The following PHF3 variants were observed in gnomAD, a reference collection of about 807,000 sequenced individuals.
PHF3 encodes the protein PHD finger protein 3.
A neutral mutation model predicts 178.4 loss-of-function variants in PHF3; 41 were observed. The ratio of observed to expected loss-of-function variants is 0.23; its 90% confidence interval spans 0.18 to 0.30. The LOEUF (loss-of-function observed/expected upper bound fraction) is 0.30. Among genes scored for constraint, PHF3 ranks in the 10% least tolerant of loss-of-function variants. The pLI is 1.00. For synonymous variants in PHF3, 842 were observed against 800.5 expected (o/e 1.05, Z -0.88); for missense variants, 2,346 against 2,398.1 (o/e 0.98, Z 0.45).
At chr6:63,700,319 C>A in intron 8 of PHF3, 31 bp from the exon 9 acceptor site, 7 of 1,035,202 alleles carry the variant, frequency 6.8e-6, no homozygotes, top group Non-Finnish European at 1.0e-5. Context: ...TGTTTGTCTC[C>A]CCTTCTATTC....
intron 3 of PHF3, among the ~76,000 whole-genome samples, chr6:63,680,610 A>T (rs1766393954): frequency 6.6e-6 from 1 of 151,730 alleles, no homozygotes. Context: ...TAGAGATGAT[A>T]CATTTAATAA....
chr6:63,643,911 C>CA (rs751920437), intron 1 of PHF3, among the ~76,000 whole-genome samples: 29 of 151,938 alleles, frequency 1.9e-4, no homozygotes, highest in Non-Finnish European at 3.8e-4. Context: ...TTATTGAAAA[C>CA]AAAAAAAATT....
intron 4 of PHF3, among the ~76,000 whole-genome samples, chr6:63,690,363 A>G (rs1453635642): frequency 6.6e-6 from 1 of 152,168 alleles, no homozygotes; most frequent in Non-Finnish European, 1.5e-5. Context: ...GTCTCAAGGC[A>G]TAGTAGTGGT....
At chr6:63,666,982 C>G (rs1192001029) in intron 2 of PHF3, among the ~76,000 whole-genome samples, 1 of 152,070 alleles carries the variant, frequency 6.6e-6, no homozygotes, top group Non-Finnish European at 1.5e-5. Flanking sequence ...GAACTCCTGA[C>G]CTCAAGTGAT....
chr6:63,673,592 A>G (rs940983773), intron 2 of PHF3, among the ~76,000 whole-genome samples: 2 of 152,192 alleles, frequency 1.3e-5, no homozygotes, highest in Non-Finnish European at 2.9e-5. Context: ...CAGTAAATTG[A>G]TTTCTAATTT....
At chr6:63,710,132 A>G (rs1300966434) in intron 14 of PHF3, among the ~76,000 whole-genome samples, 1 of 152,216 alleles carries the variant, frequency 6.6e-6, no homozygotes, top group Non-Finnish European at 1.5e-5. Context: ...TTAAGCTGAA[A>G]AGAATATTTT....
intron 2 of PHF3, among the ~76,000 whole-genome samples, chr6:63,655,179 T>A (rs553079275): frequency 6.6e-6 from 1 of 152,260 alleles, no homozygotes. Context: ...TTCTCCTGCC[T>A]CAGCCTCCTA....
rs1436332305 is a variant in PHF3, at chr6:63,655,830, T to A, written c.244+9035T>A. Among the ~76,000 whole-genome samples, 9 of 152,152 alleles carry A rather than the reference T, an allele frequency of 5.9e-5. No homozygotes were observed. The South Asian group carries it at 1.9e-3, about 32-fold the overall frequency. On this transcript the variant is annotated intron_variant, in intron 2 of 15. Coordinates refer to ENST00000262043, the MANE Select transcript of PHF3 (RefSeq NM_001370348.2). The stretch of plus-strand genomic sequence containing the variant: ...TTCTTTTTCTTTTTTTGTTGCAGTG[T>A]TGGGGTTTTGCTATGTTGCCCAGGC...
At chr6:63,668,672 T>C (rs1765780407) in intron 2 of PHF3, among the ~76,000 whole-genome samples, 1 of 152,098 alleles carries the variant, frequency 6.6e-6, no homozygotes, top group African/African-American at 2.4e-5. Context: ...AATGAGTTCA[T>C]AGATTAAAAA....
In PHF3 at chr6:63,713,748, T is replaced by A; in HGVS notation, c.*40T>A. ...TTCAGGATTACATTTAAATAACTGT[T>A]AAAATGTTGTATCTTGTAAACAAAA... On this transcript the variant is annotated 3_prime_UTR_variant, in exon 16 of 16. Coordinates refer to ENST00000262043, the MANE Select transcript of PHF3 (RefSeq NM_001370348.2). 7.0e-7 allele frequency: 1 copy of A among 1,435,482 alleles called. No homozygotes were observed. Among genetic ancestry groups the A allele is most frequent in the Non-Finnish European group, 9.3e-7 (1 of 1,070,742 alleles). 88.9% of individuals were successfully genotyped at this position (1,435,482 alleles called of 1,614,324 possible).
At position 63,713,703 on chromosome 6, in the gene PHF3, A is replaced by C. The variant is rs1768078437; in HGVS notation, c.6115A>C (p.Arg2039=). The C allele has an allele frequency of 1.3e-6, 2 of 1,552,430 alleles. No homozygotes were observed. The highest frequency in any genetic ancestry group is 2.3e-5 in the East Asian group (1 of 44,104). The change falls in exon 16 of 16, where the codon AGG becomes CGG. Residue 2039 remains arginine (R), a synonymous_variant. Transcript: ENST00000262043. ...RDHTDRTKSK[R] ...CCACACTGACAGAACTAAAAGCAAA[A>C]GGTAAAATTTGCAGGCTGCTTCAGG...
chr6:63,692,835 A>G (rs1476593428), intron 5 of PHF3, among the ~76,000 whole-genome samples: 1 of 152,224 alleles, frequency 6.6e-6, no homozygotes, highest in Non-Finnish European at 1.5e-5. Flanking sequence ...AAAGTTGATC[A>G]GTTTGAGCTG....
At chr6:63,652,337 C>T (rs1410271349) in intron 2 of PHF3, among the ~76,000 whole-genome samples, 2 of 152,070 alleles carry the variant, frequency 1.3e-5, no homozygotes, top group East Asian at 1.9e-4. Flanking sequence ...ATTTGTATGT[C>T]TATTTTGAAA....
At position 63,724,285 on chromosome 6, in the gene PHF3, G is replaced by A. The variant is rs1214096955; in HGVS notation, c.*10577G>A. Among the ~76,000 whole-genome samples the A allele has an allele frequency of 1.3e-5, 2 of 152,066 alleles. No individual in the cohort carries two copies. The highest frequency in any genetic ancestry group is 6.6e-5 in the Admixed American group (1 of 15,248). On this transcript the variant is annotated 3_prime_UTR_variant, in exon 16 of 16. Transcript: ENST00000262043. ...CTACCTCATCATCTGCTATCCCACC[G>A]TGCTTTATTATAGATAAGAGAAACC...
intron 2 of PHF3, among the ~76,000 whole-genome samples, chr6:63,670,396 G>A (rs1317907840): frequency 6.6e-6 from 1 of 152,118 alleles, no homozygotes; most frequent in African/African-American, 2.4e-5. Context: ...AACCTCCCAA[G>A]TAGCTGGGAC....
intron 2 of PHF3, among the ~76,000 whole-genome samples, chr6:63,672,811 A>C (rs1391795511): frequency 6.6e-6 from 1 of 152,224 alleles, no homozygotes; most frequent in African/African-American, 2.4e-5. Context: ...CCCAGCCGCC[A>C]TACTTGAACC....
chr6:63,655,100 G>T (rs1040430837), intron 2 of PHF3, among the ~76,000 whole-genome samples: 1 of 151,820 alleles, frequency 6.6e-6, no homozygotes, highest in Non-Finnish European at 1.5e-5. Context: ...TTTCACTCTT[G>T]TTGCTCAGGC....
At position 63,685,641 on chromosome 6, in the gene PHF3, A is replaced by G. The variant is rs1297606595; in HGVS notation, c.1919A>G (p.Asn640Ser). 4 of 1,614,138 alleles carry G rather than the reference A, an allele frequency of 2.5e-6. No homozygotes were observed. Among genetic ancestry groups the G allele is most frequent in the East Asian group, 2.2e-5 (1 of 44,880 alleles). ...PQQQAPAMKT[N>S]SHVKEELEHP... ...CAACAGGCCCCAGCAATGAAAACCAATAGTCACGTGAAGGAAGAGCTTGAA... is the reference window on the plus strand; with the variant it reads ...CAACAGGCCCCAGCAATGAAAACCAGTAGTCACGTGAAGGAAGAGCTTGAA... The change falls in exon 4 of 16, where the codon AAT becomes AGT. Residue 640 changes from asparagine to serine, a missense_variant. Coordinates refer to ENST00000262043, the MANE Select transcript of PHF3 (RefSeq NM_001370348.2).
intron 3 of PHF3, 94 bp from the exon 4 acceptor site, chr6:63,684,035 A>T: frequency 2.0e-6 from 2 of 977,278 alleles, no homozygotes; most frequent in Non-Finnish European, 1.5e-6. Flanking sequence ...ATTATAGCTC[A>T]GAATAAAGAA....
Sources: gnomAD v4.1 joint callset for allele counts (sites outside exome capture counted in the v4.1 genomes callset) on GRCh38, gnomAD v4.1.1 for gene constraint, MANE v1.5 for transcripts, NCBI Gene and HGNC (gene_info 2026-07-23, HGNC 2026-07-21) for gene names.